The following NOXO1 variants were observed in gnomAD, a reference collection of about 807,000 sequenced individuals.
NOXO1 encodes the protein NADPH oxidase organizer 1.
Under a neutral mutation model 33.3 loss-of-function variants are expected in NOXO1, and 38 were observed. That is an observed-to-expected ratio of 1.14 (90% CI 0.88 to 1.50). The LOEUF is 1.50. Among genes scored for constraint, NOXO1 ranks in the 40% most tolerant of loss-of-function variants. NOXO1 has a pLI of 0.00. For synonymous variants in NOXO1, 302 were observed against 237.3 expected (o/e 1.27, Z -2.51); for missense variants, 675 against 527.1 (o/e 1.28, Z -2.75).
At position 1,980,132 on chromosome 16, in the gene NOXO1, C is replaced by A. The variant is rs1389072098; in HGVS notation, c.451G>T (p.Gly151Cys). 1.2e-6 allele frequency: 2 copies of A among 1,606,556 alleles called. No individual in the cohort carries two copies. Among genetic ancestry groups the A allele is most frequent in the Non-Finnish European group, 1.7e-6 (2 of 1,178,556 alleles). ...PEEQPLSRAA[G>C]RLSIHSLEAQ... is the part of the protein sequence containing the mutation. ...TCCAGACTGTGGATGGAGAGGCGGC[C>A]CGCAGCGCGAGAAAGAGGCTGCTCC... The change falls in exon 5 of 8, where the codon GGC becomes TGC. Residue 151 changes from glycine (G) to cysteine (C), a missense_variant. Coordinates refer to ENST00000356120, the MANE Select transcript of NOXO1 (RefSeq NM_172167.3).
Position 1,979,028 on chromosome 16 carries a change from A to G in NOXO1, c.*24T>C. 1 of 1,534,606 alleles carries G rather than the reference A, an allele frequency of 6.5e-7. No homozygotes were observed. Among genetic ancestry groups the G allele is most frequent in the Non-Finnish European group, 8.7e-7 (1 of 1,149,854 alleles). On this transcript the variant is annotated 3_prime_UTR_variant, in exon 8 of 8. Coordinates refer to ENST00000356120, the MANE Select transcript of NOXO1 (RefSeq NM_172167.3). ...CCCCAGCCCTGGGATGGCGCGGTCC[A>G]TCCCCTCATCGGGATCCTCGCGCTC...
Position 1,979,739 on chromosome 16 carries a change from C to T in NOXO1, c.700+51G>A, listed in dbSNP as rs1408503353. 5 of 1,400,164 alleles carry T rather than the reference C, an allele frequency of 3.6e-6. No individual in the cohort carries two copies. In the South Asian group the frequency reaches 4.1e-5, roughly 11 times the overall value. The allele number at this position is 1,400,164 out of a possible 1,614,324, so 86.7% of individuals were successfully genotyped here. ...CCGCGGTGCTTCTGGCCCAGTCTTG[C>T]CACACGGTCAAGCCGCAGTGGTGGC... On this transcript the variant is annotated intron_variant, in intron 6 of 7. Transcript: ENST00000356120.
In NOXO1 at chr16:1,979,819, C is replaced by G. The variant is rs192494277; in HGVS notation, c.671G>C (p.Arg224Pro). The change falls in exon 6 of 8, where the codon CGG (arginine) becomes CCG (proline). Residue 224 changes from arginine (R) to proline (P), a missense_variant. Physicochemically the swap from Arg to Pro is moderately radical, Grantham distance 103. Transcript: ENST00000356120. Reference sequence around the variant, plus strand: ...GCTCCCTAGGGACGGGCCTCCCTCCCGGCCTTGGCCCGGGGCCGCCTCCTC... The same window carrying G: ...GCTCCCTAGGGACGGGCCTCCCTCCGGGCCTTGGCCCGGGGCCGCCTCCTC... ...YLEEAAPGQG[R>P]EGGPSLGSSG... 230 of 1,565,724 alleles carry G rather than the reference C, an allele frequency of 1.5e-4. 4 individuals are homozygous for G. The East Asian group carries it at 4.3e-3, about 29-fold the overall frequency.
chr16:1,980,319 C>G (rs1355181903), intron 4 of NOXO1, 48 bp downstream of exon 4: 1 of 1,572,252 alleles, frequency 6.4e-7, no homozygotes, highest in South Asian at 1.1e-5. Context: ...GGACCTCTCC[C>G]AGCTCCAAAC....
chr16:1,981,140 C>G lies in NOXO1; in HGVS notation c.40G>C (p.Ala14Pro). ...PRYPVSVQGA[A>P]LVQIKRLQTF... ...TGGAGCCTCTTGATCTGCACCAGGG[C>G]TGCCCCTTGCACTGAAACTGGGTAT... is the stretch of plus-strand genomic sequence containing the variant. The change falls in exon 1 of 8, where the codon GCC becomes CCC. Residue 14 changes from alanine (A) to proline (P), a missense_variant. Transcript: ENST00000356120. The G allele has an allele frequency of 2.5e-6, 4 of 1,613,568 alleles. No individual in the cohort carries two copies. The highest frequency in any genetic ancestry group is 3.4e-6 in the Non-Finnish European group (4 of 1,179,994).
chr16:1,979,656 C>G, intron 6 of NOXO1, 114 bp from the exon 7 acceptor site: 1 of 1,225,404 alleles, frequency 8.2e-7, no homozygotes, highest in Non-Finnish European at 1.1e-6. Flanking sequence ...CGCTCTAAGA[C>G]CGGTTCGGGG....
Position 1,981,305 on chromosome 16 carries a change from G to A in NOXO1, c.-126C>T. 1 of 1,474,752 alleles carries A rather than the reference G, an allele frequency of 6.8e-7. No homozygotes were observed. The highest frequency in any genetic ancestry group is 9.0e-7 in the Non-Finnish European group (1 of 1,114,786). 91.4% of individuals were successfully genotyped at this position (1,474,752 alleles called of 1,614,324 possible). A position where few individuals can be genotyped will look rare whatever the true frequency, so the allele number is the denominator to read the frequency against. ...AGAATCCTGGCAACACCTCAAGCCT[G>A]TGGGGTCCTTGTGGAGCCGCCCCAG... On this transcript the variant is annotated 5_prime_UTR_variant, in exon 1 of 8. Transcript: ENST00000356120.
Position 1,980,679 on chromosome 16 carries a change from T to G in NOXO1, c.200A>C (p.Asp67Ala). 3 of 1,607,118 alleles carry G rather than the reference T, an allele frequency of 1.9e-6. No homozygotes were observed. The highest frequency in any genetic ancestry group is 1.7e-6 in the Non-Finnish European group (2 of 1,177,250). Reference protein sequence around the residue: ...PVEAGLLRRSDRVLPKLLDAP... With the variant: ...PVEAGLLRRSARVLPKLLDAP... ...ACCGAGAAGCTTTGGGAGAACGCGG[T>G]CAGATCTCCGCAGCAGGCCCGCCTC... Residue 67 changes from aspartate (D) to alanine (A), a missense_variant, in exon 3 of 8, where the codon GAC becomes GCC. By Grantham distance (126) the Asp-to-Ala change is moderately radical. Coordinates refer to ENST00000356120, the MANE Select transcript of NOXO1 (RefSeq NM_172167.3).
rs1179385195 is a variant in NOXO1 at position 1,979,515 on chromosome 16, T to A, written c.728A>T (p.Tyr243Phe). The A allele has an allele frequency of 6.2e-7, 1 of 1,611,268 alleles. No individual in the cohort carries two copies. Among genetic ancestry groups the A allele is most frequent in the East Asian group, 2.2e-5 (1 of 44,840 alleles). The change falls in exon 7 of 8, where the codon TAC (tyrosine) becomes TTC (phenylalanine). Residue 243 changes from tyrosine (Y) to phenylalanine (F), a missense_variant. By Grantham distance (22) the Tyr-to-Phe change is conservative. Transcript: ENST00000356120. Reference sequence around the variant, plus strand: ...CAGCTCATCTGCGCGGCTGCTCTCGTAGGCGCGGGAAGCACAGAACTGGGG... The same window carrying A: ...CAGCTCATCTGCGCGGCTGCTCTCGAAGGCGCGGGAAGCACAGAACTGGGG... ...SGPQFCASRA[Y>F]ESSRADELSV...
At position 1,979,270 on chromosome 16, in the gene NOXO1, A is replaced by G. The variant is rs945295898; in HGVS notation, c.898T>C (p.Phe300Leu). The G allele has an allele frequency of 1.3e-6, 2 of 1,545,970 alleles. No homozygotes were observed. Among genetic ancestry groups the G allele is most frequent in the Non-Finnish European group, 1.7e-6 (2 of 1,153,736 alleles). The change falls in exon 8 of 8, where the codon TTC becomes CTC. Residue 300 changes from phenylalanine (F) to leucine (L), a missense_variant. Phe to Leu is a conservative substitution (Grantham distance 22). Transcript: ENST00000356120. ...CCCGCCGGGTCGTCTCCTCCACGGAACCCCGTCCCGCTCAGGAGAGCGCCC... is the reference window on the plus strand; with the variant it reads ...CCCGCCGGGTCGTCTCCTCCACGGAGCCCCGTCCCGCTCAGGAGAGCGCCC... ...GLGALLSGTG[F>L]RGGDDPAGEA...
chr16:1,980,866 G>A, intron 2 of NOXO1, 73 bp downstream of exon 2: 1 of 1,144,270 alleles, frequency 8.7e-7, no homozygotes, highest in South Asian at 2.0e-5. Context: ...TCACTGATGG[G>A]AGGCAGTCCA....
At chr16:1,979,639 G>T in intron 6 of NOXO1, 97 bp from the exon 7 acceptor site, 2 of 1,302,148 alleles carry the variant, frequency 1.5e-6, no homozygotes, top group Non-Finnish European at 1.1e-6. Context: ...TCTGCTGACG[G>T]CGGGGCCGCT....
At position 1,979,360 on chromosome 16, in the gene NOXO1, C is replaced by T. The variant is rs778485027; in HGVS notation, c.819-11G>A. On this transcript the variant is annotated splice_polypyrimidine_tract_variant and intron_variant, in intron 7 of 7. Coordinates refer to ENST00000356120, the MANE Select transcript of NOXO1 (RefSeq NM_172167.3). Reference sequence around the variant, plus strand: ...GCCCGGTCGCCGTACCTGCGAGGGGCGGGGTGTGGTTAGGGCCCCGCCCGC... The same window carrying T: ...GCCCGGTCGCCGTACCTGCGAGGGGTGGGGTGTGGTTAGGGCCCCGCCCGC... 11 of 1,583,568 alleles carry T rather than the reference C, an allele frequency of 6.9e-6. No individual in the cohort carries two copies. The highest frequency in any genetic ancestry group is 8.5e-6 in the Non-Finnish European group (10 of 1,171,706).
chr16:1,979,728 G>A (rs541254270), intron 6 of NOXO1, 62 bp downstream of exon 6: 7 of 1,342,708 alleles, frequency 5.2e-6, no homozygotes, highest in Admixed American at 4.7e-5. Flanking sequence ...GGTGCTTCTG[G>A]CCCAGTCTTG....
At position 1,979,827 on chromosome 16, in the gene NOXO1, G is replaced by T; in HGVS notation, c.663C>A (p.Gly221=). 6.4e-7 allele frequency: 1 copy of T among 1,569,980 alleles called. No homozygotes were observed. Among genetic ancestry groups the T allele is most frequent in the East Asian group, 2.4e-5 (1 of 42,174 alleles). ...GGGACGGGCCTCCCTCCCGGCCTTGGCCCGGGGCCGCCTCCTCCAGGTAGG... is the reference window on the plus strand; with the variant it reads ...GGGACGGGCCTCCCTCCCGGCCTTGTCCCGGGGCCGCCTCCTCCAGGTAGG... The part of the protein sequence containing the change: ...PAPYLEEAAP[G]QGREGGPSLG... Residue 221 remains glycine, a synonymous_variant, in exon 6 of 8, where the codon GGC becomes GGA. Coordinates refer to ENST00000356120, the MANE Select transcript of NOXO1 (RefSeq NM_172167.3).
chr16:1,979,794 G>T lies in NOXO1; in HGVS notation c.696C>A (p.Ser232Arg), dbSNP rs750772611. Residue 232 changes from serine (S) to arginine (R), a missense_variant, in exon 6 of 8, where the codon AGC becomes AGA. Coordinates refer to ENST00000356120, the MANE Select transcript of NOXO1 (RefSeq NM_172167.3). The stretch of plus-strand genomic sequence containing the variant: ...GGGGTGGGGTTAGGCGCATACCGCT[G>T]CTCCCTAGGGACGGGCCTCCCTCCC... The part of the protein sequence containing the change: ...QGREGGPSLG[S>R]SGPQFCASRA... 6.5e-7 allele frequency: 1 copy of T among 1,547,728 alleles called. No individual in the cohort carries two copies. The highest frequency in any genetic ancestry group is 1.2e-5 in the South Asian group (1 of 84,574).
Position 1,980,018 on chromosome 16 carries a change from C to T in NOXO1, c.565G>A (p.Val189Met), listed in dbSNP as rs374290560. 2.6e-5 allele frequency: 41 copies of T among 1,605,728 alleles called. No homozygotes were observed. The highest frequency in any genetic ancestry group is 3.4e-5 in the Non-Finnish European group (40 of 1,177,454). Reference sequence around the variant, plus strand: ...CTACCTGAGGGGTGCCGCAGCAGCACGTCCAGGCTCTCCTGGGCCTGCGCC... The same window carrying T: ...CTACCTGAGGGGTGCCGCAGCAGCATGTCCAGGCTCTCCTGGGCCTGCGCC... Reference protein sequence around the residue: ...FQAQAQESLDVLLRHPSGWWL... With the variant: ...FQAQAQESLDMLLRHPSGWWL... Residue 189 changes from valine (V) to methionine (M), a missense_variant, in exon 5 of 8, where the codon GTG (valine) becomes ATG (methionine). By Grantham distance (21) the Val-to-Met change is conservative. Coordinates refer to ENST00000356120, the MANE Select transcript of NOXO1 (RefSeq NM_172167.3).
In NOXO1 at chr16:1,978,951, A is replaced by G. The variant is rs2083433242; in HGVS notation, c.*101T>C. The G allele has an allele frequency of 1.6e-6, 2 of 1,238,328 alleles. No individual in the cohort carries two copies. The highest frequency in any genetic ancestry group is 1.4e-5 in the South Asian group (1 of 72,038). 76.7% of individuals were successfully genotyped at this position (1,238,328 alleles called of 1,614,324 possible). A position where few individuals can be genotyped will look rare whatever the true frequency, so the allele number is the denominator to read the frequency against. On this transcript the variant is annotated 3_prime_UTR_variant, in exon 8 of 8. Transcript: ENST00000356120. ...ACAAGCTTTACTCAGAGGAACAGCA[A>G]ATGGCCCCCTCCCATCCCTGCTGGC...
At position 1,981,297 on chromosome 16, in the gene NOXO1, T is replaced by C; in HGVS notation, c.-118A>G. On this transcript the variant is annotated 5_prime_UTR_variant, in exon 1 of 8. Transcript: ENST00000356120. ...CCTGGGATAGAATCCTGGCAACACC[T>C]CAAGCCTGTGGGGTCCTTGTGGAGC... The C allele has an allele frequency of 6.7e-7, 1 of 1,496,906 alleles. No homozygotes were observed. Among genetic ancestry groups the C allele is most frequent in the Non-Finnish European group, 8.9e-7 (1 of 1,124,782 alleles). The allele number at this position is 1,496,906 out of a possible 1,614,324, so 92.7% of individuals were successfully genotyped here. A position where few individuals can be genotyped will look rare whatever the true frequency, so the allele number is the denominator to read the frequency against.
Sources: allele counts gnomAD v4.1 joint callset, GRCh38; gene constraint gnomAD v4.1.1; transcripts MANE v1.5; gene names NCBI Gene and HGNC (gene_info 2026-07-23, HGNC 2026-07-21).